Variants in POLR3GL observed in about 807,000 individuals in gnomAD.
The protein encoded by POLR3GL is RNA polymerase III subunit GL.
Under a neutral mutation model 32.4 loss-of-function variants are expected in POLR3GL, and 26 were observed. That is an observed-to-expected ratio of 0.80 (90% CI 0.59 to 1.11). The LOEUF (loss-of-function observed/expected upper bound fraction) is 1.11. Among genes scored for constraint, POLR3GL ranks in the 50% most tolerant of loss-of-function variants. The pLI is 0.00. For synonymous variants in POLR3GL, 95 were observed against 98.7 expected (o/e 0.96, Z 0.22); for missense variants, 229 against 280.1 (o/e 0.82, Z 1.30).
chr1:145,973,996 G>A (rs1413064617), intron 1 of POLR3GL, among the ~76,000 whole-genome samples: 3 of 150,630 alleles, frequency 2.0e-5, no homozygotes, highest in South Asian at 2.1e-4. Flanking sequence ...GCCAGGCATG[G>A]TGGCACACAC....
chr1:145,967,785 G>A (rs1366010791), intron 1 of POLR3GL, among the ~76,000 whole-genome samples: 1 of 152,160 alleles, frequency 6.6e-6, no homozygotes. Flanking sequence ...GTTTTTGTCT[G>A]TTTTGCACAC....
In POLR3GL at chr1:145,975,366, A is replaced by C. The variant is rs1650504592; in HGVS notation, c.186A>C (p.Ala62=). The change falls in exon 3 of 8, where the codon GCA becomes GCC. Residue 62 remains alanine, a synonymous_variant. Coordinates refer to ENST00000369314, the MANE Select transcript of POLR3GL (RefSeq NM_032305.3). The stretch of plus-strand genomic sequence containing the variant: ...GCGAGGAAGGGGAATATGTCCTGGC[A>C]CTGAAGCAAGAGCTACGAGGAGCCA... ...PSGEEGEYVL[A]LKQELRGAMR... 1.2e-6 allele frequency: 2 copies of C among 1,614,206 alleles called. No homozygotes were observed. The highest frequency in any genetic ancestry group is 2.2e-5 in the South Asian group (2 of 91,090).
intron 1 of POLR3GL, among the ~76,000 whole-genome samples, chr1:145,971,402 CT>C (rs142179774): frequency 1.1e-4 from 16 of 151,924 alleles, no homozygotes; most frequent in Non-Finnish European, 2.1e-4. Context: ...GTTTCTCAGA[CT>C]TTACTGTTTT....
chr1:145,975,829 G>A (rs145836314), intron 3 of POLR3GL, among the ~76,000 whole-genome samples: 12 of 152,126 alleles, frequency 7.9e-5, no homozygotes, highest in African/African-American at 2.2e-4. Flanking sequence ...GAGCCACTGC[G>A]CCCAGCAAAA....
Position 145,974,895 on chromosome 1 carries a change from T to G in POLR3GL, c.30T>G (p.Arg10=). The G allele has an allele frequency of 6.6e-7, 1 of 1,521,388 alleles. No individual in the cohort carries two copies. The highest frequency in any genetic ancestry group is 8.7e-7 in the Non-Finnish European group (1 of 1,144,476). 94.2% of individuals were successfully genotyped at this position (1,521,388 alleles called of 1,614,324 possible). Reference sequence around the variant, plus strand: ...CCAGCCGGGGTGGGGGCCGGGGTCGTGGCCGGGGCCAGTTGACCTTCAACG... The same window carrying G: ...CCAGCCGGGGTGGGGGCCGGGGTCGGGGCCGGGGCCAGTTGACCTTCAACG... MASRGGGRG[R]GRGQLTFNVE... is the part of the protein sequence containing the mutation. The change falls in exon 2 of 8, where the codon CGT becomes CGG. Residue 10 remains arginine (R), a synonymous_variant. Coordinates refer to ENST00000369314, the MANE Select transcript of POLR3GL (RefSeq NM_032305.3).
At chr1:145,974,610 A>G (rs1453439557) in intron 1 of POLR3GL, among the ~76,000 whole-genome samples, 1 of 152,196 alleles carries the variant, frequency 6.6e-6, no homozygotes, top group Non-Finnish European at 1.5e-5. Context: ...GTGCTAAACT[A>G]TATTGTAATT....
chr1:145,970,459 GTTTT>G (rs1164103514), intron 1 of POLR3GL, among the ~76,000 whole-genome samples: 1 of 151,602 alleles, frequency 6.6e-6, no homozygotes, highest in Non-Finnish European at 1.5e-5. Flanking sequence ...AGTTTTTTTT[GTTTT>G]TTGTTTTTGT....
chr1:145,966,116 CAAAAAAAAAA>C lies in POLR3GL; in HGVS notation c.-42+1364_-42+1373del, dbSNP rs58691867. Reference sequence around the variant, plus strand: ...GGGCAACAAGAGCAAAACTCCCTCTCAAAAAAAAAAAAAAAAAAAAAAAAAGGAAATCTGT... The same window carrying C: ...GGGCAACAAGAGCAAAACTCCCTCTCAAAAAAAAAAAAAAAGGAAATCTGT... On this transcript the variant is annotated intron_variant, in intron 1 of 7. Transcript: ENST00000369314. 2.4e-4 allele frequency among the ~76,000 whole-genome samples: 9 copies of C among 37,146 alleles called. No individual in the cohort carries two copies. The East Asian group carries it at 3.4e-3, about 14-fold the overall frequency. 24.4% of individuals were successfully genotyped at this position (37,146 alleles called of 152,430 possible).
chr1:145,977,337 C>G, intron 4 of POLR3GL, 146 bp from the exon 5 acceptor site: 1 of 861,858 alleles, frequency 1.2e-6, no homozygotes, highest in Non-Finnish European at 1.9e-6. Context: ...TCCCACTACT[C>G]AGGAGATATC....
rs61609020 is a variant in POLR3GL, at chr1:145,966,284, A to G, written c.-42+1516A>G. On this transcript the variant is annotated intron_variant, in intron 1 of 7. Coordinates refer to ENST00000369314, the MANE Select transcript of POLR3GL (RefSeq NM_032305.3). ...CACTTTAGCCCAGGAGTTCAAGACC[A>G]GTCTAGGCAACATGACAAAACCCTG... 4.1e-3 allele frequency among the ~76,000 whole-genome samples: 619 copies of G among 150,652 alleles called. 5 individuals are homozygous for G. Among genetic ancestry groups the G allele is most frequent in the African/African-American group, 0.014 (586 of 40,894 alleles).
intron 1 of POLR3GL, among the ~76,000 whole-genome samples, chr1:145,971,267 G>A (rs1650276248): frequency 6.6e-6 from 1 of 151,478 alleles, no homozygotes; most frequent in Admixed American, 6.6e-5. Flanking sequence ...ATTAACTAAG[G>A]TTGATACTTG....
In POLR3GL at chr1:145,964,725, CA is replaced by C. The variant is rs1649939403; in HGVS notation, c.-83del. The C allele has an allele frequency of 6.6e-6, 1 of 152,280 alleles. No individual in the cohort carries two copies. The highest frequency in any genetic ancestry group is 1.5e-5 in the Non-Finnish European group (1 of 68,098). 9.4% of individuals were successfully genotyped at this position (152,280 alleles called of 1,614,324 possible). A position where few individuals can be genotyped will look rare whatever the true frequency, so the allele number is the denominator to read the frequency against. Reference sequence around the variant, plus strand: ...CGACTTGAGGAAGCCCAGTACATTTCAAGTTGGTCGCGGCTTGGGCTCCGCT... The same window carrying C: ...CGACTTGAGGAAGCCCAGTACATTTCAGTTGGTCGCGGCTTGGGCTCCGCT... On this transcript the variant is annotated 5_prime_UTR_variant, in exon 1 of 8. Transcript: ENST00000369314.
At chr1:145,967,730 C>T (rs183695976) in intron 1 of POLR3GL, among the ~76,000 whole-genome samples, 3 of 152,290 alleles carry the variant, frequency 2.0e-5, no homozygotes, top group Admixed American at 2.0e-4. Flanking sequence ...TTGCTGATGC[C>T]TCCACTGGAA....
intron 1 of POLR3GL, among the ~76,000 whole-genome samples, chr1:145,972,945 C>T (rs1468246846): frequency 2.0e-5 from 3 of 152,192 alleles, no homozygotes; most frequent in African/African-American, 7.2e-5. Context: ...GTGATCTGCC[C>T]GCTCCAGCCT....
chr1:145,977,184 T>G (rs782407672), intron 4 of POLR3GL, 32 bp downstream of exon 4: 4 of 1,560,442 alleles, frequency 2.6e-6, no homozygotes, highest in Non-Finnish European at 3.5e-6. Flanking sequence ...TGACTGCCCT[T>G]CTTTCAAATG....
At chr1:145,976,774 G>T (rs368897942) in intron 3 of POLR3GL, among the ~76,000 whole-genome samples, 1 of 151,644 alleles carries the variant, frequency 6.6e-6, no homozygotes, top group Admixed American at 6.6e-5. Context: ...TTAGCTAGGC[G>T]TGGTGGTGTG....
intron 1 of POLR3GL, among the ~76,000 whole-genome samples, chr1:145,966,122 A>G (rs1412298385): frequency 6.7e-6 from 1 of 148,930 alleles, no homozygotes. Flanking sequence ...CTCTCAAAAA[A>G]AAAAAAAAAA....
chr1:145,973,881 G>A (rs587599958), intron 1 of POLR3GL, among the ~76,000 whole-genome samples: 1 of 150,526 alleles, frequency 6.6e-6, no homozygotes, highest in South Asian at 2.1e-4. Context: ...TTGGCCTCTC[G>A]CGGTGGCTCA....
rs1173977502 is a variant in POLR3GL at position 145,978,004 on chromosome 1, G to C, written c.478G>C (p.Glu160Gln). ...KLETLEKKEE[E>Q]VTSEEDEEKE... The stretch of plus-strand genomic sequence containing the variant: ...TGAGACCCTGGAGAAGAAGGAAGAA[G>C]AAGTAACTTCAGAGGAGGATGAGGA... The change falls in exon 7 of 8, where the codon GAA becomes CAA. Residue 160 changes from glutamate (E) to glutamine (Q), a missense_variant. By Grantham distance (29) the Glu-to-Gln change is conservative. Coordinates refer to ENST00000369314, the MANE Select transcript of POLR3GL (RefSeq NM_032305.3). 6.2e-7 allele frequency: 1 copy of C among 1,612,618 alleles called. No individual in the cohort carries two copies. The highest frequency in any genetic ancestry group is 1.3e-5 in the African/African-American group (1 of 74,876).
Sources: gnomAD v4.1 joint callset for allele counts (sites outside exome capture counted in the v4.1 genomes callset) on GRCh38, gnomAD v4.1.1 for gene constraint, MANE v1.5 for transcripts, NCBI Gene and HGNC (gene_info 2026-07-23, HGNC 2026-07-21) for gene names.